The following RASAL2 variants were observed in gnomAD, a reference collection of about 807,000 sequenced individuals.
RASAL2 encodes ras GTPase-activating protein nGAP.
RASAL2 carries 58 observed loss-of-function variants against 128.9 expected under a neutral mutation model. The observed-to-expected ratio is 0.45, with a 90% CI of 0.36 to 0.56. RASAL2 has a LOEUF of 0.56. Among genes scored for constraint, RASAL2 ranks in the 20% least tolerant of loss-of-function variants. RASAL2 has a pLI of 0.00. For missense variants in RASAL2, 1,360 were observed against 1,601.6 expected (o/e 0.85, Z 2.57); for synonymous variants, 561 against 580.8 (o/e 0.97, Z 0.49).
At chr1:178,286,536 G>T (rs1436623951) in intron 2 of RASAL2, among the ~76,000 whole-genome samples, 1 of 151,922 alleles carries the variant, frequency 6.6e-6, no homozygotes, top group Non-Finnish European at 1.5e-5. Flanking sequence ...TCAGCCTCCC[G>T]AGTAGCTGGG....
At chr1:178,149,518 T>C (rs1471827879) in intron 1 of RASAL2, among the ~76,000 whole-genome samples, 2 of 152,012 alleles carry the variant, frequency 1.3e-5, no homozygotes, top group African/African-American at 2.4e-5. Context: ...TTTTCTGTTA[T>C]TTGCCTCATA....
intron 3 of RASAL2, chr1:178,341,633 C>G (rs922863612): frequency 1.9e-6 from 3 of 1,613,480 alleles, no homozygotes; most frequent in African/African-American, 2.7e-5. Flanking sequence ...AGTCTGAGAC[C>G]GAAATGAAAA....
chr1:178,457,311 G>A (rs1014643562), intron 13 of RASAL2, among the ~76,000 whole-genome samples: 11 of 152,208 alleles, frequency 7.2e-5, no homozygotes, highest in Non-Finnish European at 4.4e-5. Context: ...CAAGACTTGT[G>A]CCTTTTGCAG....
intron 3 of RASAL2, among the ~76,000 whole-genome samples, chr1:178,388,208 C>T (rs182792920): frequency 7.9e-4 from 121 of 152,272 alleles, no homozygotes; most frequent in Non-Finnish European, 1.6e-3. Context: ...CCATTCCCTG[C>T]CTGCCTTGCC....
intron 1 of RASAL2, among the ~76,000 whole-genome samples, chr1:178,258,892 G>A (rs762733011): frequency 6.6e-6 from 1 of 152,112 alleles, no homozygotes; most frequent in Non-Finnish European, 1.5e-5. Flanking sequence ...TAAATAAAAT[G>A]TAGTATATCT....
intron 1 of RASAL2, among the ~76,000 whole-genome samples, chr1:178,180,507 A>C (rs1165163691): frequency 2.8e-5 from 4 of 143,906 alleles, no homozygotes; most frequent in African/African-American, 1.0e-4. Context: ...AAAAAAAAAA[A>C]AACCCACAAA....
intron 1 of RASAL2, among the ~76,000 whole-genome samples, chr1:178,095,246 G>C (rs1227308594): frequency 6.6e-6 from 1 of 152,146 alleles, no homozygotes; most frequent in Non-Finnish European, 1.5e-5. Flanking sequence ...TTACACTATT[G>C]TTTCTGAATC....
intron 1 of RASAL2, among the ~76,000 whole-genome samples, chr1:178,276,043 A>G (rs1165518493): frequency 6.6e-6 from 1 of 152,226 alleles, no homozygotes; most frequent in Non-Finnish European, 1.5e-5. Context: ...CCTAATGACT[A>G]TATCTTAAAC....
At chr1:178,141,226 CAAGATTGAAT>C (rs1660522120) in intron 1 of RASAL2, among the ~76,000 whole-genome samples, 1 of 88,178 alleles carries the variant, frequency 1.1e-5, no homozygotes, top group African/African-American at 4.3e-5. Context: ...TTTGCAGTTG[CAAGATTGAAT>C]AGAGTGAAAA....
At chr1:178,363,231 G>A (rs1396696567) in intron 3 of RASAL2, among the ~76,000 whole-genome samples, 1 of 151,958 alleles carries the variant, frequency 6.6e-6, no homozygotes, top group South Asian at 2.1e-4. Context: ...ATATCTTATT[G>A]TGGTTTTGAT....
chr1:178,445,829 A>G (rs1572088990), intron 9 of RASAL2, among the ~76,000 whole-genome samples, 167 bp downstream of exon 9: 1 of 152,176 alleles, frequency 6.6e-6, no homozygotes, highest in Admixed American at 6.5e-5. Context: ...ACTCACCAGT[A>G]GAGAAATAAT....
chr1:178,331,497 A>T (rs1669309217), intron 3 of RASAL2, among the ~76,000 whole-genome samples: 1 of 150,748 alleles, frequency 6.6e-6, no homozygotes, highest in African/African-American at 2.4e-5. Flanking sequence ...AAGAGACTAT[A>T]TGGGGTTTTT....
chr1:178,422,686 T>C (rs1675231972), intron 5 of RASAL2, among the ~76,000 whole-genome samples: 2 of 152,232 alleles, frequency 1.3e-5, no homozygotes, highest in Admixed American at 6.5e-5. Flanking sequence ...TCTGAAGACC[T>C]GATTTTCTTG....
chr1:178,387,234 C>T (rs190613971), intron 3 of RASAL2, among the ~76,000 whole-genome samples: 1 of 152,232 alleles, frequency 6.6e-6, no homozygotes, highest in East Asian at 1.9e-4. Context: ...CTTATTTCTT[C>T]CCCTTCTTTC....
intron 3 of RASAL2, among the ~76,000 whole-genome samples, chr1:178,313,158 T>C (rs1392207501): frequency 6.6e-6 from 1 of 152,180 alleles, no homozygotes; most frequent in African/African-American, 2.4e-5. Flanking sequence ...GTCATAATAT[T>C]GTTTGCCTTT....
At chr1:178,157,518 A>G (rs946904876) in intron 1 of RASAL2, among the ~76,000 whole-genome samples, 16 of 152,154 alleles carry the variant, frequency 1.1e-4, no homozygotes, top group African/African-American at 3.9e-4. Flanking sequence ...GAAATACCTA[A>G]TTCTAATTCC....
intron 3 of RASAL2, among the ~76,000 whole-genome samples, chr1:178,337,736 A>AT (rs375566366): frequency 0.041 from 6,074 of 147,670 alleles, 377 homozygotes; most frequent in African/African-American, 0.14. Context: ...TATGCAAGTA[A>AT]TTTTTTTTTT....
chr1:178,205,048 A>G lies in RASAL2; in HGVS notation c.203-78516A>G, dbSNP rs2101973555. On this transcript the variant is annotated intron_variant, in intron 1 of 17. Coordinates refer to ENST00000367649, the MANE Select transcript of RASAL2 (RefSeq NM_170692.4). ...GAGACAGAGTCTTGCTCTGTCGCCC[A>G]GGCTGGAGTACAGTGGCATGATCTT... 2.0e-5 allele frequency among the ~76,000 whole-genome samples: 3 copies of G among 152,336 alleles called. 1 individual carries two copies. Among genetic ancestry groups the G allele is most frequent in the South Asian group, 2.1e-4 (1 of 4,828 alleles).
At chr1:178,418,181 C>T (rs959336959) in intron 4 of RASAL2, among the ~76,000 whole-genome samples, 1 of 152,138 alleles carries the variant, frequency 6.6e-6, no homozygotes, top group Non-Finnish European at 1.5e-5. Flanking sequence ...ACTTTTGACT[C>T]ACCCAAAACT....
Sources: allele counts gnomAD v4.1 joint callset (sites outside exome capture counted in the v4.1 genomes callset), GRCh38; gene constraint gnomAD v4.1.1; transcripts MANE v1.5; gene names NCBI Gene and HGNC (gene_info 2026-07-23, HGNC 2026-07-21).